Variants in HMCN1 observed in about 807,000 individuals in gnomAD.
HMCN1 encodes hemicentin-1.
A neutral mutation model predicts 625.9 loss-of-function variants in HMCN1; 321 were observed. That is an observed-to-expected ratio of 0.51 (90% confidence interval 0.47 to 0.56). HMCN1 has a LOEUF of 0.56. Ranked by LOEUF, HMCN1 falls within the 20% of genes least tolerant of loss-of-function variation. The pLI is 0.00. For missense variants in HMCN1, 6,588 were observed against 6,887.3 expected (o/e 0.96, Z 1.54); for synonymous variants, 2,425 against 2,417.6 (o/e 1.00, Z -0.09).
intron 4 of HMCN1, among the ~76,000 whole-genome samples, chr1:185,893,647 G>C (rs1432870592): frequency 6.6e-6 from 1 of 152,136 alleles, no homozygotes; most frequent in African/African-American, 2.4e-5. Context: ...TACAGCATCA[G>C]ATATGTACTT....
At chr1:185,795,173 G>C (rs1387381761) in intron 1 of HMCN1, among the ~76,000 whole-genome samples, 1 of 152,192 alleles carries the variant, frequency 6.6e-6, no homozygotes, top group Non-Finnish European at 1.5e-5. Context: ...AGTGGTCATA[G>C]TCGAGCTTGT....
At chr1:185,991,724 CA>C (rs1652441934) in intron 22 of HMCN1, among the ~76,000 whole-genome samples, 1 of 149,564 alleles carries the variant, frequency 6.7e-6, no homozygotes, top group South Asian at 2.1e-4. Context: ...AAAAAAAAAA[CA>C]AGGCTTTTCA....
chr1:185,872,430 A>G (rs995062114), intron 4 of HMCN1, among the ~76,000 whole-genome samples: 3 of 152,152 alleles, frequency 2.0e-5, no homozygotes, highest in Non-Finnish European at 2.9e-5. Context: ...AAAACAAAAA[A>G]TGAAGTCCTT....
Position 186,189,504 on chromosome 1 carries a change from G to A in HMCN1, c.16542-8G>A, listed in dbSNP as rs1363863998. On this transcript the variant is annotated splice_polypyrimidine_tract_variant and splice_region_variant and intron_variant, in intron 106 of 106. Coordinates refer to ENST00000271588, the MANE Select transcript of HMCN1 (RefSeq NM_031935.3). Reference sequence around the variant, plus strand: ...ACTATGTGTATTTGATATGTTTGTTGTCCTTAGGTTCTGCCTCAAGAACTG... The same window carrying A: ...ACTATGTGTATTTGATATGTTTGTTATCCTTAGGTTCTGCCTCAAGAACTG... The A allele has an allele frequency of 6.2e-7, 1 of 1,612,432 alleles. No individual in the cohort carries two copies. The highest frequency in any genetic ancestry group is 8.5e-7 in the Non-Finnish European group (1 of 1,179,596).
chr1:185,742,377 A>G lies in HMCN1; in HGVS notation c.268+7330A>G, dbSNP rs897810119. Among the ~76,000 whole-genome samples, 12 of 152,256 alleles carry G rather than the reference A, an allele frequency of 7.9e-5. No individual in the cohort carries two copies. The East Asian group carries it at 1.3e-3, about 17-fold the overall frequency. ...GTTCATCAGCCTTCAGTGACTTTGT[A>G]TAGTTTGGCTGTATATACACAGTGG... On this transcript the variant is annotated intron_variant, in intron 1 of 106. Transcript: ENST00000271588.
chr1:185,820,587 G>T (rs960264321), intron 1 of HMCN1, among the ~76,000 whole-genome samples: 23 of 151,998 alleles, frequency 1.5e-4, no homozygotes, highest in African/African-American at 3.4e-4. Context: ...TTGTTTTCTT[G>T]TACTCAAATA....
chr1:185,865,272 C>T (rs1486028235), intron 3 of HMCN1, among the ~76,000 whole-genome samples: 1 of 152,228 alleles, frequency 6.6e-6, no homozygotes, highest in East Asian at 1.9e-4. Flanking sequence ...CACAAGCCCT[C>T]TTGGGTCTCA....
intron 52 of HMCN1, among the ~76,000 whole-genome samples, chr1:186,072,798 A>C (rs944864376): frequency 2.0e-5 from 3 of 152,226 alleles, no homozygotes; most frequent in African/African-American, 7.2e-5. Context: ...TGTGAGCAGA[A>C]GACTAATGGA....
At chr1:185,938,936 G>T (rs907166743) in intron 11 of HMCN1, among the ~76,000 whole-genome samples, 8 of 152,184 alleles carry the variant, frequency 5.3e-5, no homozygotes, top group Non-Finnish European at 8.8e-5. Context: ...AGGAATCCAA[G>T]AATTTAATCT....
At chr1:186,150,768 G>T (rs1480635541) in intron 93 of HMCN1, among the ~76,000 whole-genome samples, 1 of 151,928 alleles carries the variant, frequency 6.6e-6, no homozygotes, top group African/African-American at 2.4e-5. Context: ...GGAGAAAGTT[G>T]CTTAATTTCT....
intron 40 of HMCN1, among the ~76,000 whole-genome samples, chr1:186,045,187 AT>A (rs1244222501): frequency 6.6e-6 from 1 of 152,178 alleles, no homozygotes; most frequent in East Asian, 1.9e-4. Context: ...TGCACAAGGT[AT>A]TATCTGACAC....
chr1:185,989,606 C>T lies in HMCN1; in HGVS notation c.3167C>T (p.Thr1056Ile), dbSNP rs1345168269. The T allele has an allele frequency of 6.2e-7, 1 of 1,613,884 alleles. No individual in the cohort carries two copies. The highest frequency in any genetic ancestry group is 1.3e-5 in the African/African-American group (1 of 74,906). Residue 1056 changes from threonine to isoleucine, a missense_variant, in exon 21 of 107, where the codon ACA (threonine) becomes ATA (isoleucine). By Grantham distance (89) the Thr-to-Ile change is moderately conservative. Coordinates refer to ENST00000271588, the MANE Select transcript of HMCN1 (RefSeq NM_031935.3). ...GAGTATGTCTGCACTGCCACCAATA[C>T]AGCCGGCTACGCCAAAAGGAAAGTG... ...SGEYVCTATN[T>I]AGYAKRKVQL... is the part of the protein sequence containing the mutation.
intron 1 of HMCN1, among the ~76,000 whole-genome samples, chr1:185,815,771 A>G (rs913636453): frequency 1.3e-5 from 2 of 150,298 alleles, no homozygotes; most frequent in Non-Finnish European, 2.9e-5. Context: ...ATACTAATTT[A>G]TGAAAGTAAA....
At position 186,166,832 on chromosome 1, in the gene HMCN1, G is replaced by C; in HGVS notation, c.15464G>C (p.Arg5155Thr). ...CQDIDECALG[R>T]HTCHAGQDCD... ...GATATTGATGAGTGTGCTTTGGGTA[G>C]GCATACCTGCCACGCTGGTCAGGAC... Residue 5155 changes from arginine (R) to threonine (T), a missense_variant, in exon 100 of 107, where the codon AGG becomes ACG. Physicochemically the swap from Arg to Thr is moderately conservative, Grantham distance 71. Around this residue, in one of 3 missense-constraint regions of HMCN1, gnomAD observed 1,954 missense variants for 2,013.1 expected, o/e 0.97. Coordinates refer to ENST00000271588, the MANE Select transcript of HMCN1 (RefSeq NM_031935.3). 1 of 1,614,108 alleles carries C rather than the reference G, an allele frequency of 6.2e-7. No individual in the cohort carries two copies. Among genetic ancestry groups the C allele is most frequent in the Non-Finnish European group, 8.5e-7 (1 of 1,179,996 alleles).
intron 2 of HMCN1, 78 bp downstream of exon 2, chr1:185,846,174 T>A (rs1661801734): frequency 8.8e-7 from 1 of 1,139,390 alleles, no homozygotes; most frequent in South Asian, 1.3e-5. Context: ...ATTTTTTAAA[T>A]CTAAAAGACA....
chr1:186,119,021 C>T (rs1193591997), intron 77 of HMCN1, among the ~76,000 whole-genome samples, 170 bp from the exon 78 acceptor site: 1 of 152,062 alleles, frequency 6.6e-6, no homozygotes, highest in African/African-American at 2.4e-5. Flanking sequence ...CTCAATAAAG[C>T]TGTTAGTAAT....
At chr1:185,913,129 C>T (rs1350386059) in intron 6 of HMCN1, among the ~76,000 whole-genome samples, 1 of 151,988 alleles carries the variant, frequency 6.6e-6, no homozygotes, top group Non-Finnish European at 1.5e-5. Context: ...GAACTCTAAG[C>T]CCTGTAGGAA....
At chr1:186,062,089 G>T in intron 47 of HMCN1, 125 bp downstream of exon 47, 1 of 630,668 alleles carries the variant, frequency 1.6e-6, no homozygotes, top group Non-Finnish European at 2.8e-6. Context: ...TGTGACTCTT[G>T]GCAAGAATTC....
chr1:186,052,457 A>G (rs1389809838), intron 42 of HMCN1, among the ~76,000 whole-genome samples: 1 of 152,078 alleles, frequency 6.6e-6, no homozygotes, highest in Non-Finnish European at 1.5e-5. Context: ...AGACTGTGCA[A>G]TCTGAAATAT....
Sources: gnomAD v4.1 joint callset for allele counts (sites outside exome capture counted in the v4.1 genomes callset) on GRCh38, gnomAD v4.1.1 for gene constraint, gnomAD v4.1.1 regional missense constraint, MANE v1.5 for transcripts, NCBI Gene and HGNC (gene_info 2026-07-23, HGNC 2026-07-21) for gene names.